The following ARPP21 variants were observed in gnomAD, a reference collection of about 807,000 sequenced individuals.
ARPP21 encodes the protein cAMP-regulated phosphoprotein 21.
A neutral mutation model predicts 113.2 loss-of-function variants in ARPP21; 69 were observed. That is an observed-to-expected ratio of 0.61 (90% CI 0.50 to 0.74). The LOEUF (loss-of-function observed/expected upper bound fraction) is 0.74. Ranked by LOEUF, ARPP21 falls within the 30% of genes least tolerant of loss-of-function variation. The pLI is 0.00. For missense variants in ARPP21, 1,070 were observed against 1,037.4 expected, an observed-to-expected ratio of 1.03 and a Z score of -0.43; for synonymous variants, 368 against 375.5, an observed-to-expected ratio of 0.98 and a Z score of 0.23.
At chr3:35,686,997 A>G (rs1259844300) in intron 5 of ARPP21, among the ~76,000 whole-genome samples, 2 of 151,408 alleles carry the variant, frequency 1.3e-5, no homozygotes, top group Non-Finnish European at 3.0e-5. Flanking sequence ...ACAATATTAT[A>G]TTTTGGAAAG....
intron 1 of ARPP21, among the ~76,000 whole-genome samples, chr3:35,671,561 A>G (rs2076351458): frequency 6.6e-6 from 1 of 152,068 alleles, no homozygotes; most frequent in Non-Finnish European, 1.5e-5. Flanking sequence ...AAACAGGGAG[A>G]AAAAACAAAA....
chr3:35,741,669 TC>T (rs746717105), intron 18 of ARPP21, among the ~76,000 whole-genome samples: 3 of 152,226 alleles, frequency 2.0e-5, no homozygotes, highest in Non-Finnish European at 4.4e-5. Flanking sequence ...TCTTTTCTCT[TC>T]TAATCCACTC....
At chr3:35,700,447 G>GTATGTATTAATGCTACTATCATTTA (rs2085924033) in intron 9 of ARPP21, among the ~76,000 whole-genome samples, 1 of 151,444 alleles carries the variant, frequency 6.6e-6, no homozygotes, top group Non-Finnish European at 1.5e-5. Context: ...TTGAGTCATT[G>GTATGTATTAATGCTACTATCATTTA]TATGTATTAA....
In ARPP21 at chr3:35,690,977, A is replaced by T. The variant is rs935655809; in HGVS notation, c.658A>T (p.Ile220Phe). Reference protein sequence around the residue: ...HNVDQTGKSVIINKTSSTRIP... With the variant: ...HNVDQTGKSVFINKTSSTRIP... ...TGTGGATCAAACAGGAAAATCTGTT[A>T]TCATCAACAAGACCAGCAGCACCAG... is the stretch of plus-strand genomic sequence containing the variant. The change falls in exon 9 of 21, where the codon ATC becomes TTC. Residue 220 changes from isoleucine (I) to phenylalanine (F), a missense_variant. Physicochemically the swap from Ile to Phe is conservative, Grantham distance 21 (BLOSUM62 0). Transcript: ENST00000684406. 1.9e-6 allele frequency: 3 copies of T among 1,610,484 alleles called. No homozygotes were observed. Among genetic ancestry groups the T allele is most frequent in the Non-Finnish European group, 2.5e-6 (3 of 1,177,802 alleles).
intron 19 of ARPP21, chr3:35,792,116 A>G (rs1456568684): frequency 3.1e-6 from 1 of 319,178 alleles, no homozygotes; most frequent in African/African-American, 2.1e-5. Flanking sequence ...TTGTGCCATG[A>G]ATAATTTATC....
At chr3:35,779,201 G>C (rs963234533) in intron 19 of ARPP21, among the ~76,000 whole-genome samples, 2 of 152,086 alleles carry the variant, frequency 1.3e-5, no homozygotes, top group East Asian at 3.9e-4. Context: ...GTATTCTCCG[G>C]GTTCCTAGTA....
At chr3:35,669,881 C>T (rs1182762307) in intron 1 of ARPP21, among the ~76,000 whole-genome samples, 4 of 152,236 alleles carry the variant, frequency 2.6e-5, no homozygotes, top group Middle Eastern at 3.4e-3. Context: ...TCAACTTCAT[C>T]AACAGGACTC....
intron 19 of ARPP21, among the ~76,000 whole-genome samples, chr3:35,756,915 C>T (rs1326593648): frequency 6.6e-6 from 1 of 152,102 alleles, no homozygotes; most frequent in Non-Finnish European, 1.5e-5. Flanking sequence ...GTCAAGCTAG[C>T]TCCAAGTAGG....
chr3:35,693,059 A>G (rs2082712026), intron 9 of ARPP21, among the ~76,000 whole-genome samples: 1 of 151,434 alleles, frequency 6.6e-6, no homozygotes, highest in African/African-American at 2.4e-5. Context: ...TTTTTTAATT[A>G]ATGGCCATTT....
intron 1 of ARPP21, among the ~76,000 whole-genome samples, chr3:35,665,329 C>CT (rs1211687387): frequency 1.3e-5 from 2 of 151,614 alleles, no homozygotes; most frequent in African/African-American, 4.8e-5. Context: ...GCGGCCTAAG[C>CT]TTTTTTTAAT....
At chr3:35,765,248 T>C (rs576971204) in intron 19 of ARPP21, among the ~76,000 whole-genome samples, 13 of 152,252 alleles carry the variant, frequency 8.5e-5, no homozygotes, top group African/African-American at 2.9e-4. Context: ...TGTCAAAATG[T>C]CAAATTCTAA....
intron 19 of ARPP21, among the ~76,000 whole-genome samples, chr3:35,753,628 G>A (rs1454043733): frequency 6.6e-6 from 1 of 152,026 alleles, no homozygotes; most frequent in African/African-American, 2.4e-5. Flanking sequence ...ATGATTATCT[G>A]TGGAACATGT....
chr3:35,726,143 C>A (rs1295588618), intron 14 of ARPP21, among the ~76,000 whole-genome samples: 1 of 152,200 alleles, frequency 6.6e-6, no homozygotes, highest in African/African-American at 2.4e-5. Context: ...CATATGCATA[C>A]TGTATAAATA....
chr3:35,683,041 G>T (rs2079442416), intron 4 of ARPP21, 152 bp downstream of exon 4: 1 of 674,008 alleles, frequency 1.5e-6, no homozygotes, highest in South Asian at 2.6e-5. Flanking sequence ...TTTTTGATGG[G>T]GTTATGTTTA....
At chr3:35,725,584 C>G (rs927202393) in intron 14 of ARPP21, among the ~76,000 whole-genome samples, 1 of 152,208 alleles carries the variant, frequency 6.6e-6, no homozygotes, top group Admixed American at 6.5e-5. Context: ...GGGAAGTATC[C>G]TTCCTCCCTG....
At chr3:35,672,125 A>G (rs1265259460) in intron 1 of ARPP21, among the ~76,000 whole-genome samples, 1 of 152,052 alleles carries the variant, frequency 6.6e-6, no homozygotes, top group Admixed American at 6.6e-5. Flanking sequence ...TGTTTATATT[A>G]TATGCTTCAG....
intron 1 of ARPP21, among the ~76,000 whole-genome samples, chr3:35,675,016 C>G (rs879700507): frequency 6.6e-6 from 1 of 151,538 alleles, no homozygotes; most frequent in Non-Finnish European, 1.5e-5. Context: ...CCAGTCAAAA[C>G]GATTATGTTT....
intron 10 of ARPP21, among the ~76,000 whole-genome samples, chr3:35,707,793 T>A (rs915930223): frequency 6.6e-6 from 1 of 152,040 alleles, no homozygotes; most frequent in African/African-American, 2.4e-5. Context: ...AAATCTCTTC[T>A]TTAGATTGGC....
chr3:35,762,595 C>T (rs1041923844), intron 19 of ARPP21, among the ~76,000 whole-genome samples: 1 of 152,078 alleles, frequency 6.6e-6, no homozygotes, highest in African/African-American at 2.4e-5. Flanking sequence ...CTACTTACAA[C>T]CATTTGATAC....
Sources: allele counts gnomAD v4.1 joint callset (sites outside exome capture counted in the v4.1 genomes callset), GRCh38; gene constraint gnomAD v4.1.1; transcripts MANE v1.5; gene names NCBI Gene and HGNC (gene_info 2026-07-23, HGNC 2026-07-21).